The following GPR180 variants were observed in gnomAD, a reference collection of about 807,000 sequenced individuals.
The protein encoded by GPR180 is G protein-coupled receptor 180.
Under a neutral mutation model 52.6 loss-of-function variants are expected in GPR180, and 53 were observed. The observed-to-expected ratio is 1.01, with a 90% confidence interval of 0.81 to 1.27. The LOEUF is 1.27. GPR180 is among the 50% of genes most tolerant of loss of function. The pLI is 0.00. For synonymous variants in GPR180, 200 were observed against 193.1 expected (o/e 1.04, Z -0.30); for missense variants, 533 against 527.0 (o/e 1.01, Z -0.11).
At chr13:94,618,487 A>G (rs1173814564) in intron 3 of GPR180, among the ~76,000 whole-genome samples, 4 of 136,554 alleles carry the variant, frequency 2.9e-5, no homozygotes, top group African/African-American at 1.2e-4. Flanking sequence ...ATCTCTGGAC[A>G]TGACAGATAT....
Position 94,614,712 on chromosome 13 carries a change from T to C in GPR180, c.505+2322T>C, listed in dbSNP as rs910103856. On this transcript the variant is annotated intron_variant, in intron 3 of 8. Transcript: ENST00000376958. Reference sequence around the variant, plus strand: ...TCCTGATTTTTGTGACTGATTTTGATTTTATGCTTACTCTTGTGTCTAAAA... The same window carrying C: ...TCCTGATTTTTGTGACTGATTTTGACTTTATGCTTACTCTTGTGTCTAAAA... Among the ~76,000 whole-genome samples the C allele has an allele frequency of 2.0e-5, 3 of 152,224 alleles. 1 individual carries two copies. Among genetic ancestry groups the C allele is most frequent in the Admixed American group, 2.0e-4 (3 of 15,278 alleles).
intron 2 of GPR180, among the ~76,000 whole-genome samples, chr13:94,610,626 C>T (rs1321808776): frequency 6.6e-6 from 1 of 152,238 alleles, no homozygotes; most frequent in Non-Finnish European, 1.5e-5. Flanking sequence ...CTCTCCTAGG[C>T]AGCTTCGTGT....
At chr13:94,617,747 G>A (rs763671435) in intron 3 of GPR180, among the ~76,000 whole-genome samples, 5 of 152,040 alleles carry the variant, frequency 3.3e-5, no homozygotes, top group African/African-American at 7.2e-5. Flanking sequence ...GAGTTTACCC[G>A]AATGGGAAAC....
At chr13:94,604,440 A>T (rs985403838) in intron 1 of GPR180, among the ~76,000 whole-genome samples, 4 of 151,516 alleles carry the variant, frequency 2.6e-5, no homozygotes, top group African/African-American at 9.7e-5. Context: ...CTGGGTGTGG[A>T]GGCGCATGCC....
At chr13:94,605,027 TA>T (rs903179237) in intron 1 of GPR180, among the ~76,000 whole-genome samples, 1 of 152,200 alleles carries the variant, frequency 6.6e-6, no homozygotes, top group Non-Finnish European at 1.5e-5. Context: ...TATGTCATAT[TA>T]AAAAACAGAA....
intron 3 of GPR180, among the ~76,000 whole-genome samples, chr13:94,616,074 C>G (rs1034145656): frequency 6.6e-6 from 1 of 152,172 alleles, no homozygotes; most frequent in Non-Finnish European, 1.5e-5. Context: ...AGCTAGCTGC[C>G]TCAAGTTCAA....
chr13:94,614,648 G>T (rs1002491556), intron 3 of GPR180, among the ~76,000 whole-genome samples: 4 of 152,076 alleles, frequency 2.6e-5, no homozygotes, highest in African/African-American at 4.8e-5. Flanking sequence ...TAACCGTTAT[G>T]ATTCAGTTCT....
At chr13:94,610,415 A>T (rs988953471) in intron 2 of GPR180, among the ~76,000 whole-genome samples, 2 of 152,222 alleles carry the variant, frequency 1.3e-5, no homozygotes, top group Non-Finnish European at 2.9e-5. Flanking sequence ...TGTTTTAAAA[A>T]TACTTTGTGT....
intron 5 of GPR180, 125 bp downstream of exon 5, chr13:94,619,642 G>T: frequency 1.3e-6 from 1 of 775,176 alleles, no homozygotes; most frequent in South Asian, 1.7e-5. Context: ...CTGAGAACAG[G>T]ATTACAGTTT....
intron 3 of GPR180, among the ~76,000 whole-genome samples, chr13:94,618,419 G>GTTTTTTTTTTTTTTT (rs1566980109): frequency 3.3e-4 from 24 of 72,984 alleles, no homozygotes; most frequent in African/African-American, 3.6e-4. Flanking sequence ...ATCAGCACAG[G>GTTTTTTTTTTTTTTT]ATTTTTTTTT....
At chr13:94,625,679 C>G (rs1481187740) in intron 7 of GPR180, among the ~76,000 whole-genome samples, 1 of 151,976 alleles carries the variant, frequency 6.6e-6, no homozygotes, top group Non-Finnish European at 1.5e-5. Context: ...GCTTTTGTCA[C>G]TTAATAATTT....
chr13:94,627,211 A>G lies in GPR180; in HGVS notation c.*40A>G. On this transcript the variant is annotated 3_prime_UTR_variant, in exon 9 of 9. Transcript: ENST00000376958. ...TGAGAGGAAAAGTGAATTGGTTAAA[A>G]GAGTGCAATAAGGATCCAAATACAG... The G allele has an allele frequency of 6.4e-7, 1 of 1,573,378 alleles. No homozygotes were observed.
rs145346057 is a variant in GPR180, at chr13:94,609,591, C to T, written c.305-2599C>T. Among the ~76,000 whole-genome samples, 218 of 152,026 alleles carry T rather than the reference C, an allele frequency of 1.4e-3. 2 individuals carry two copies. The highest frequency in any genetic ancestry group is 3.4e-3 in the Middle Eastern group (1 of 294). On this transcript the variant is annotated intron_variant, in intron 2 of 8. Coordinates refer to ENST00000376958, the MANE Select transcript of GPR180 (RefSeq NM_180989.6). Reference sequence around the variant, plus strand: ...GATAAAAATGGCAACACAGCAGAGCCTTTATATAATGAGGTCCGGATTATA... The same window carrying T: ...GATAAAAATGGCAACACAGCAGAGCTTTTATATAATGAGGTCCGGATTATA...
chr13:94,604,889 G>A (rs1159971456), intron 1 of GPR180, among the ~76,000 whole-genome samples: 1 of 152,040 alleles, frequency 6.6e-6, no homozygotes, highest in Non-Finnish European at 1.5e-5. Flanking sequence ...AAGTTCTTTT[G>A]TAAAAGTCGT....
In GPR180 at chr13:94,602,080, T is replaced by G. The variant is rs1889561595; in HGVS notation, c.145+8T>G. 7.4e-7 allele frequency: 1 copy of G among 1,345,712 alleles called. No homozygotes were observed. Among genetic ancestry groups the G allele is most frequent in the Non-Finnish European group, 9.6e-7 (1 of 1,046,366 alleles). 83.4% of individuals were successfully genotyped at this position (1,345,712 alleles called of 1,614,324 possible). On this transcript the variant is annotated splice_region_variant and intron_variant, in intron 1 of 8. Transcript: ENST00000376958. ...GCCACTTCGAGTTCCATGGTAGGTCTGGGGGCGGGGAGGGGGATGAAGGCG... is the reference window on the plus strand; with the variant it reads ...GCCACTTCGAGTTCCATGGTAGGTCGGGGGGCGGGGAGGGGGATGAAGGCG...
In GPR180 at chr13:94,630,675, A is replaced by T. The variant is rs1889983884; in HGVS notation, c.*3504A>T. On this transcript the variant is annotated 3_prime_UTR_variant, in exon 9 of 9. Transcript: ENST00000376958. ...CAAAAAAAGATCTAGCTTATATCAC[A>T]CCCTCAGATACTTGGCACTAGCCAT... is the stretch of plus-strand genomic sequence containing the variant. 6.6e-6 allele frequency: 1 copy of T among 152,196 alleles called. No individual in the cohort carries two copies. 9.4% of individuals were successfully genotyped at this position (152,196 alleles called of 1,614,324 possible).
chr13:94,612,253 A>G lies in GPR180; in HGVS notation c.368A>G (p.His123Arg). Residue 123 changes from histidine (H) to arginine (R), a missense_variant, in exon 3 of 9, where the codon CAT (histidine) becomes CGT (arginine). His to Arg is a conservative substitution (Grantham distance 29). Coordinates refer to ENST00000376958, the MANE Select transcript of GPR180 (RefSeq NM_180989.6). ...VSQIPSPQTW[H>R]VFYADKYTCQ... is the part of the protein sequence containing the mutation. ...CAGATTCCGTCTCCACAAACGTGGC[A>G]TGTGTTTTATGCAGACAAGTATACA... 1 of 1,614,064 alleles carries G rather than the reference A, an allele frequency of 6.2e-7. No individual in the cohort carries two copies. The highest frequency in any genetic ancestry group is 8.5e-7 in the Non-Finnish European group (1 of 1,179,896).
Position 94,601,923 on chromosome 13 carries a change from C to A in GPR180, c.-5C>A. The stretch of plus-strand genomic sequence containing the variant: ...CGAGGCGTCGGTGCAGACCTGGAGA[C>A]GGGCATGGGGGGGCTGCGGCTGCTG... On this transcript the variant is annotated 5_prime_UTR_variant, in exon 1 of 9. Transcript: ENST00000376958. The A allele has an allele frequency of 2.0e-6, 3 of 1,483,574 alleles. No individual in the cohort carries two copies. Among genetic ancestry groups the A allele is most frequent in the Non-Finnish European group, 2.7e-6 (3 of 1,121,948 alleles). 91.9% of individuals were successfully genotyped at this position (1,483,574 alleles called of 1,614,324 possible).
chr13:94,624,649 C>T (rs1038459333), intron 7 of GPR180, among the ~76,000 whole-genome samples: 1 of 152,136 alleles, frequency 6.6e-6, no homozygotes, highest in African/African-American at 2.4e-5. Flanking sequence ...GCTCCGCCTT[C>T]CGGGTTCATG....
Sources: gnomAD v4.1 joint callset for allele counts (sites outside exome capture counted in the v4.1 genomes callset) on GRCh38, gnomAD v4.1.1 for gene constraint, MANE v1.5 for transcripts, NCBI Gene and HGNC (gene_info 2026-07-23, HGNC 2026-07-21) for gene names.